The following JAKMIP2 variants were observed in gnomAD, a reference collection of about 807,000 sequenced individuals.
JAKMIP2 encodes the protein janus kinase and microtubule interacting protein 2, also known as janus kinase and microtubule-interacting protein 2.
JAKMIP2 carries 25 observed loss-of-function variants against 115.0 expected under a neutral mutation model. The ratio of observed to expected loss-of-function variants is 0.22; its 90% CI spans 0.16 to 0.30. JAKMIP2 has a LOEUF of 0.30. Among genes scored for constraint, JAKMIP2 ranks in the 10% least tolerant of loss-of-function variants. The pLI is 1.00. For synonymous variants in JAKMIP2, 334 were observed against 343.6 expected, an observed-to-expected ratio of 0.97 and a Z score of 0.31; for missense variants, 642 against 957.6, an observed-to-expected ratio of 0.67 and a Z score of 4.35.
chr5:147,639,215 G>C (rs902835321), intron 10 of JAKMIP2, among the ~76,000 whole-genome samples: 2 of 152,186 alleles, frequency 1.3e-5, no homozygotes, highest in Non-Finnish European at 2.9e-5. Context: ...AAATGAGATA[G>C]TGTCTGTGAA....
intron 2 of JAKMIP2, 57 bp from the exon 3 acceptor site, chr5:147,661,502 T>C (rs1402096820): frequency 3.8e-5 from 58 of 1,535,768 alleles, no homozygotes; most frequent in Non-Finnish European, 4.1e-5. Context: ...ACGGGTGTGC[T>C]CCTAGGCAGG....
chr5:147,745,625 A>G (rs1754321938), intron 1 of JAKMIP2, among the ~76,000 whole-genome samples: 1 of 152,100 alleles, frequency 6.6e-6, no homozygotes, highest in African/African-American at 2.4e-5. Context: ...TATTTATCAC[A>G]TCTGCCACTG....
chr5:147,593,039 G>A (rs1291046149), intron 21 of JAKMIP2, among the ~76,000 whole-genome samples: 2 of 152,158 alleles, frequency 1.3e-5, no homozygotes, highest in Non-Finnish European at 2.9e-5. Context: ...TATTGATGGT[G>A]GATTCACAGA....
intron 1 of JAKMIP2, among the ~76,000 whole-genome samples, chr5:147,699,115 C>T (rs1177969938): frequency 6.6e-6 from 1 of 152,134 alleles, no homozygotes; most frequent in Non-Finnish European, 1.5e-5. Flanking sequence ...AAATATACAC[C>T]CATCTATTAT....
At chr5:147,730,508 T>C (rs1580847257) in intron 1 of JAKMIP2, among the ~76,000 whole-genome samples, 2 of 151,714 alleles carry the variant, frequency 1.3e-5, no homozygotes, top group Admixed American at 1.3e-4. Context: ...CAGGCTGGAG[T>C]GCAGTGGTGC....
chr5:147,713,380 A>T (rs994911348), intron 1 of JAKMIP2, among the ~76,000 whole-genome samples: 10 of 152,206 alleles, frequency 6.6e-5, no homozygotes, highest in African/African-American at 2.2e-4. Context: ...TTTATTGAAC[A>T]TTCACTATAT....
At chr5:147,662,886 T>C (rs990471706) in intron 2 of JAKMIP2, among the ~76,000 whole-genome samples, 1 of 151,776 alleles carries the variant, frequency 6.6e-6, no homozygotes, top group East Asian at 1.9e-4. Flanking sequence ...TTGGGAAGGC[T>C]GAGGCAGGAG....
chr5:147,653,434 T>C (rs1758511291), intron 3 of JAKMIP2, among the ~76,000 whole-genome samples: 1 of 152,146 alleles, frequency 6.6e-6, no homozygotes, highest in Non-Finnish European at 1.5e-5. Flanking sequence ...CTAATTGTGG[T>C]TTTGATTTGC....
intron 21 of JAKMIP2, among the ~76,000 whole-genome samples, chr5:147,599,497 T>A (rs1755583474): frequency 6.6e-6 from 1 of 152,222 alleles, no homozygotes; most frequent in South Asian, 2.1e-4. Flanking sequence ...TTATTAATTA[T>A]CATTATAGTC....
At chr5:147,705,324 C>T (rs924646417) in intron 1 of JAKMIP2, among the ~76,000 whole-genome samples, 1 of 151,968 alleles carries the variant, frequency 6.6e-6, no homozygotes, top group South Asian at 2.1e-4. Flanking sequence ...ACAATAAGGC[C>T]GGGTATGGTG....
At chr5:147,749,352 C>A (rs182591925) in intron 1 of JAKMIP2, among the ~76,000 whole-genome samples, 4 of 152,218 alleles carry the variant, frequency 2.6e-5, no homozygotes, top group East Asian at 1.9e-4. Flanking sequence ...CAAAAGGAAC[C>A]CTTTTTAATC....
intron 3 of JAKMIP2, among the ~76,000 whole-genome samples, chr5:147,652,863 C>T (rs1054883120): frequency 1.3e-5 from 2 of 152,058 alleles, no homozygotes; most frequent in Non-Finnish European, 2.9e-5. Flanking sequence ...TCCCCTTGCC[C>T]CCACCACCTG....
chr5:147,699,112 C>A (rs1173775164), intron 1 of JAKMIP2, among the ~76,000 whole-genome samples: 2 of 152,218 alleles, frequency 1.3e-5, no homozygotes, highest in African/African-American at 4.8e-5. Context: ...AGAAAATATA[C>A]ACCCATCTAT....
chr5:147,631,351 C>T, intron 14 of JAKMIP2, 62 bp downstream of exon 14: 2 of 997,576 alleles, frequency 2.0e-6, no homozygotes, highest in African/African-American at 1.6e-5. Context: ...AAGTAACCTC[C>T]CCTTTTCCAA....
At chr5:147,778,142 C>G (rs897375677) in intron 1 of JAKMIP2, among the ~76,000 whole-genome samples, 2 of 151,972 alleles carry the variant, frequency 1.3e-5, no homozygotes, top group Non-Finnish European at 2.9e-5. Context: ...TCATTAAAAA[C>G]AAAAACAATA....
In JAKMIP2 at chr5:147,769,100, T is replaced by C. The variant is rs181429622; in HGVS notation, c.-149+13356A>G. ...TAGAGTAGTTCCTGCCTCAATGATA[T>C]CACGGTTGTCAAATGATCAGAACTC... On this transcript the variant is annotated intron_variant, in intron 1 of 21. Coordinates refer to ENST00000616793, the MANE Select transcript of JAKMIP2 (RefSeq NM_001270941.2). 1.7e-3 allele frequency among the ~76,000 whole-genome samples: 260 copies of C among 152,204 alleles called. 1 individual carries two copies. Among genetic ancestry groups the C allele is most frequent in the Admixed American group, 3.7e-3 (56 of 15,272 alleles).
intron 1 of JAKMIP2, among the ~76,000 whole-genome samples, chr5:147,747,409 G>A (rs983381588): frequency 3.3e-5 from 5 of 152,010 alleles, no homozygotes; most frequent in African/African-American, 9.7e-5. Context: ...ATTACAACAC[G>A]GGCACAGCTG....
In JAKMIP2 at chr5:147,645,036, G is replaced by A. The variant is rs141169689; in HGVS notation, c.937-40C>T. Reference sequence around the variant, plus strand: ...GTGAAGATTTGTGTCTTGCGTTTGGGGGACGTGGGGGCAGGGGAGTAAAGT... The same window carrying A: ...GTGAAGATTTGTGTCTTGCGTTTGGAGGACGTGGGGGCAGGGGAGTAAAGT... On this transcript the variant is annotated intron_variant, in intron 5 of 21. Transcript: ENST00000616793. 211 of 1,603,908 alleles carry A rather than the reference G, an allele frequency of 1.3e-4. No individual in the cohort carries two copies. The African/African-American group carries it at 2.5e-3, about 19-fold the overall frequency.
At chr5:147,672,451 T>TATTC (rs982916827) in intron 1 of JAKMIP2, among the ~76,000 whole-genome samples, 32 of 152,364 alleles carry the variant, frequency 2.1e-4, no homozygotes, top group African/African-American at 7.2e-4. Flanking sequence ...GTCACTCATA[T>TATTC]ATTCATTCAT....
Sources: allele counts gnomAD v4.1 joint callset (sites outside exome capture counted in the v4.1 genomes callset), GRCh38; gene constraint gnomAD v4.1.1; transcripts MANE v1.5; gene names NCBI Gene and HGNC (gene_info 2026-07-23, HGNC 2026-07-21).